RBFOX1: variants seen among roughly 807,000 people sequenced by gnomAD.
RBFOX1 encodes RNA binding fox-1 homolog 1.
In RBFOX1, 8 loss-of-function variants were observed where a neutral mutation model predicts 57.7. The observed-to-expected ratio is 0.14, with a 90% CI of 0.08 to 0.25. The LOEUF (loss-of-function observed/expected upper bound fraction) is 0.25. Ranked by LOEUF, RBFOX1 falls within the 10% of genes least tolerant of loss-of-function variation. The pLI is 1.00. For synonymous variants in RBFOX1, 326 were observed against 222.4 expected (o/e 1.47, Z -4.15); for missense variants, 611 against 548.5 (o/e 1.11, Z -1.14).
intron 4 of RBFOX1, among the ~76,000 whole-genome samples, chr16:7,424,631 CA>C (rs1331096187): frequency 6.6e-6 from 1 of 152,158 alleles, no homozygotes; most frequent in Admixed American, 6.5e-5. Flanking sequence ...TAGCTGTTCA[CA>C]AGGTACATAA....
chr16:5,845,163 A>T (rs1329161804), intron 3 of RBFOX1, among the ~76,000 whole-genome samples: 2 of 152,000 alleles, frequency 1.3e-5, no homozygotes, highest in Non-Finnish European at 2.9e-5. Context: ...AAGCAGGGTA[A>T]CAGGAGATGT....
At chr16:6,873,542 G>C (rs1361046371) in intron 3 of RBFOX1, among the ~76,000 whole-genome samples, 2 of 151,932 alleles carry the variant, frequency 1.3e-5, no homozygotes, top group African/African-American at 2.4e-5. Flanking sequence ...ATTATTTTCA[G>C]CTTAAAAAAA....
At chr16:7,092,356 A>T (rs2060999608) in intron 4 of RBFOX1, among the ~76,000 whole-genome samples, 1 of 152,234 alleles carries the variant, frequency 6.6e-6, no homozygotes, top group African/African-American at 2.4e-5. Flanking sequence ...AGAAGGAAAA[A>T]CAAAGCCTCT....
chr16:5,650,942 G>A (rs1423158861), intron 3 of RBFOX1, among the ~76,000 whole-genome samples: 4 of 146,382 alleles, frequency 2.7e-5, no homozygotes, highest in East Asian at 2.0e-4. Flanking sequence ...CTTTCCCTCT[G>A]CCTCATTTCT....
intron 3 of RBFOX1, among the ~76,000 whole-genome samples, chr16:6,811,350 A>T (rs576577271): frequency 6.6e-6 from 1 of 152,230 alleles, no homozygotes; most frequent in African/African-American, 2.4e-5. Context: ...TAAAAATATT[A>T]TGGGGTAGGA....
Position 5,752,311 on chromosome 16 carries a change from G to GA in RBFOX1, c.319-114987dup, listed in dbSNP as rs1204803837. On this transcript the variant is annotated intron_variant, in intron 3 of 19. Transcript: ENST00000641259. ...AGGGTGGGAGGAGAGAGAGGATCAGGAAAAACAACTAATAGATACTAGGCT... is the reference window on the plus strand; with the variant it reads ...AGGGTGGGAGGAGAGAGAGGATCAGGAAAAAACAACTAATAGATACTAGGCT... 5.3e-5 allele frequency among the ~76,000 whole-genome samples: 8 copies of GA among 152,264 alleles called. 1 individual carries two copies. The highest frequency in any genetic ancestry group is 3.3e-4 in the Admixed American group (5 of 15,298).
In RBFOX1 at chr16:5,251,672, G is replaced by C. The variant is rs191183749; in HGVS notation, c.219+11567G>C. 4.2e-3 allele frequency among the ~76,000 whole-genome samples: 637 copies of C among 152,262 alleles called. 4 individuals are homozygous for C. The highest frequency in any genetic ancestry group is 0.015 in the African/African-American group (608 of 41,544). On this transcript the variant is annotated intron_variant, in intron 1 of 2. Transcript: ENST00000585867. ...CCAGAACAGTGGCTGCTTGGAGTGA[G>C]GGCGGGGAATTCAAATTGAATGGAA...
At chr16:6,820,270 C>G (rs944658505) in intron 3 of RBFOX1, among the ~76,000 whole-genome samples, 8 of 152,150 alleles carry the variant, frequency 5.3e-5, no homozygotes, top group African/African-American at 1.4e-4. Flanking sequence ...TGTCCAGTCT[C>G]AGGTATTTCT....
intron 3 of RBFOX1, among the ~76,000 whole-genome samples, chr16:5,765,001 T>A (rs1477612291): frequency 1.3e-5 from 2 of 152,036 alleles, no homozygotes; most frequent in African/African-American, 2.4e-5. Flanking sequence ...CTAGACCAAG[T>A]CTCGCAGGGT....
chr16:7,593,285 A>G (rs932708870), intron 7 of RBFOX1, among the ~76,000 whole-genome samples: 4 of 152,198 alleles, frequency 2.6e-5, no homozygotes, highest in Non-Finnish European at 5.9e-5. Context: ...TGTCCTCCCA[A>G]GTTCCTTCTG....
chr16:6,435,173 A>T (rs76886893), intron 2 of RBFOX1, among the ~76,000 whole-genome samples: 1 of 152,042 alleles, frequency 6.6e-6, no homozygotes, highest in Non-Finnish European at 1.5e-5. Flanking sequence ...AACGCATGTT[A>T]CCACTGAAGG....
intron 2 of RBFOX1, among the ~76,000 whole-genome samples, chr16:6,442,722 T>C (rs891758882): frequency 6.6e-6 from 1 of 152,170 alleles, no homozygotes; most frequent in Non-Finnish European, 1.5e-5. Flanking sequence ...TTCCCAACAA[T>C]TGAGGCTGTA....
chr16:6,922,303 T>C (rs1022756730), intron 3 of RBFOX1, among the ~76,000 whole-genome samples: 1 of 152,080 alleles, frequency 6.6e-6, no homozygotes, highest in Middle Eastern at 3.2e-3. Context: ...TGGAAAGCAC[T>C]GGTTTTCAGT....
At chr16:5,287,713 G>A (rs1482591120) in intron 1 of RBFOX1, among the ~76,000 whole-genome samples, 1 of 152,184 alleles carries the variant, frequency 6.6e-6, no homozygotes, top group African/African-American at 2.4e-5. Context: ...GATAGCAGGA[G>A]TGAGCGAGCA....
intron 3 of RBFOX1, among the ~76,000 whole-genome samples, chr16:7,016,502 C>G (rs539078116): frequency 1.3e-5 from 2 of 152,296 alleles, no homozygotes; most frequent in South Asian, 2.1e-4. Context: ...ATAACAGACA[C>G]AGCCACAGTG....
chr16:7,535,352 G>C (rs1370170168), intron 5 of RBFOX1, among the ~76,000 whole-genome samples: 4 of 152,140 alleles, frequency 2.6e-5, no homozygotes, highest in Non-Finnish European at 5.9e-5. Flanking sequence ...GTGAGCAATT[G>C]GTCCACACCA....
At chr16:6,121,624 CAACTCAGTGGGG>C (rs2096550320) in intron 1 of RBFOX1, among the ~76,000 whole-genome samples, 1 of 152,128 alleles carries the variant, frequency 6.6e-6, no homozygotes, top group Non-Finnish European at 1.5e-5. Context: ...TTCTGAGGCT[CAACTCAGTGGGG>C]ACATCTGTTC....
intron 4 of RBFOX1, among the ~76,000 whole-genome samples, chr16:7,176,166 C>G (rs80124099): frequency 7.1e-6 from 1 of 140,460 alleles, no homozygotes. Context: ...TGATTTTGGA[C>G]AGGCTCCTTA....
chr16:6,898,914 CATATGTGT>C (rs982455913), intron 3 of RBFOX1, among the ~76,000 whole-genome samples: 3 of 149,528 alleles, frequency 2.0e-5, no homozygotes, highest in Admixed American at 6.7e-5. Flanking sequence ...TGTGTTTGTG[CATATGTGT>C]ATATGTGTGT....
Sources: gnomAD v4.1 joint callset for allele counts (sites outside exome capture counted in the v4.1 genomes callset) on GRCh38, gnomAD v4.1.1 for gene constraint, MANE v1.5 for transcripts, NCBI Gene and HGNC (gene_info 2026-07-23, HGNC 2026-07-21) for gene names.